FMN2: variants seen among roughly 807,000 people sequenced by gnomAD.
FMN2 encodes formin-2.
In FMN2, 51 loss-of-function variants were observed where a neutral mutation model predicts 142.3. The ratio of observed to expected loss-of-function variants is 0.36; its 90% CI spans 0.29 to 0.45. FMN2 has a LOEUF of 0.45. Ranked by LOEUF, FMN2 falls within the 20% of genes least tolerant of loss-of-function variation. The probability of loss-of-function intolerance (pLI) is 1.00; values close to 1 mark genes in which losing one functional copy is unlikely to be tolerated. For synonymous variants in FMN2, 882 were observed against 869.8 expected (o/e 1.01, Z -0.25); for missense variants, 1,936 against 2,122.8 (o/e 0.91, Z 1.73).
chr1:240,451,200 T>C (rs1047548352), intron 16 of FMN2, among the ~76,000 whole-genome samples: 4 of 152,024 alleles, frequency 2.6e-5, no homozygotes, highest in African/African-American at 9.7e-5. Flanking sequence ...ACCCTGTCTC[T>C]ACTAAAAATA....
chr1:240,187,572 A>G (rs1665532268), intron 3 of FMN2, among the ~76,000 whole-genome samples: 1 of 152,122 alleles, frequency 6.6e-6, no homozygotes, highest in African/African-American at 2.4e-5. Context: ...TTATTTTTAA[A>G]TTTGCACACA....
chr1:240,405,728 A>G, intron 15 of FMN2, among the ~76,000 whole-genome samples: 1 of 152,228 alleles, frequency 6.6e-6, no homozygotes, highest in East Asian at 1.9e-4. Context: ...CCAGAACTCA[A>G]TAGTTAAATA....
At chr1:240,365,452 G>A (rs186963948) in intron 14 of FMN2, among the ~76,000 whole-genome samples, 8 of 151,964 alleles carry the variant, frequency 5.3e-5, no homozygotes, top group Middle Eastern at 3.4e-3. Context: ...TCTATATAGA[G>A]ATAACTATAT....
At chr1:240,281,963 C>T (rs965525612) in intron 7 of FMN2, among the ~76,000 whole-genome samples, 4 of 152,094 alleles carry the variant, frequency 2.6e-5, no homozygotes, top group African/African-American at 9.7e-5. Flanking sequence ...AAGGTCCAAA[C>T]AATAATACGA....
intron 8 of FMN2, among the ~76,000 whole-genome samples, chr1:240,325,975 A>G (rs1230640762): frequency 6.6e-6 from 1 of 152,180 alleles, no homozygotes; most frequent in Non-Finnish European, 1.5e-5. Context: ...AATGTTACAT[A>G]TTGGTGAGTC....
intron 1 of FMN2, among the ~76,000 whole-genome samples, chr1:240,103,047 G>T (rs1322985085): frequency 1.3e-5 from 2 of 150,884 alleles, no homozygotes; most frequent in Non-Finnish European, 3.0e-5. Context: ...GCATTTTTTT[G>T]TAGAGACGGG....
chr1:240,294,535 A>G (rs1346767036), intron 7 of FMN2, among the ~76,000 whole-genome samples: 1 of 152,218 alleles, frequency 6.6e-6, no homozygotes, highest in Non-Finnish European at 1.5e-5. Context: ...GATTTTTCAA[A>G]TTCATTCAGT....
At chr1:240,252,737 G>T (rs1009509181) in intron 6 of FMN2, among the ~76,000 whole-genome samples, 8 of 151,630 alleles carry the variant, frequency 5.3e-5, no homozygotes, top group Non-Finnish European at 1.2e-4. Flanking sequence ...CTAATGTGCC[G>T]CAGAGAAAAC....
At chr1:240,134,849 C>T (rs1200566030) in intron 2 of FMN2, among the ~76,000 whole-genome samples, 1 of 152,152 alleles carries the variant, frequency 6.6e-6, no homozygotes, top group Non-Finnish European at 1.5e-5. Flanking sequence ...CCTTCACCAA[C>T]CCTCATGCCC....
At chr1:240,314,314 T>A (rs1670695285) in intron 8 of FMN2, among the ~76,000 whole-genome samples, 1 of 151,976 alleles carries the variant, frequency 6.6e-6, no homozygotes, top group Non-Finnish European at 1.5e-5. Context: ...GGAGTGCAAA[T>A]ATTGCTTGAA....
chr1:240,192,907 A>G lies in FMN2; in HGVS notation c.1986+4645A>G, dbSNP rs371898316. ...AACTCCAAGGAGCTCAGAGAAAAAT[A>G]TAGACGTTTTAGCTTAGAAATAATC... On this transcript the variant is annotated intron_variant, in intron 4 of 17. Coordinates refer to ENST00000319653, the MANE Select transcript of FMN2 (RefSeq NM_020066.5). Among the ~76,000 whole-genome samples, 49 of 152,262 alleles carry G rather than the reference A, an allele frequency of 3.2e-4. 1 individual carries two copies. The East Asian group carries it at 7.1e-3, about 22-fold the overall frequency.
intron 8 of FMN2, 65 bp downstream of exon 8, chr1:240,294,948 C>T: frequency 7.2e-7 from 1 of 1,394,314 alleles, no homozygotes; most frequent in Non-Finnish European, 1.0e-6. Context: ...TCTATGTGCA[C>T]ATATAGGCTC....
At chr1:240,301,575 T>C (rs926174274) in intron 8 of FMN2, among the ~76,000 whole-genome samples, 3 of 151,900 alleles carry the variant, frequency 2.0e-5, no homozygotes, top group Non-Finnish European at 4.4e-5. Context: ...CTTAATTTTC[T>C]TTCATCTTAG....
chr1:240,193,478 G>C (rs1207213937), intron 4 of FMN2, among the ~76,000 whole-genome samples: 1 of 152,238 alleles, frequency 6.6e-6, no homozygotes, highest in African/African-American at 2.4e-5. Context: ...TTCTTAGGAA[G>C]GGTGAAATTT....
At chr1:240,252,584 G>T (rs1668311624) in intron 6 of FMN2, among the ~76,000 whole-genome samples, 1 of 149,200 alleles carries the variant, frequency 6.7e-6, no homozygotes, top group African/African-American at 2.5e-5. Flanking sequence ...ATATCATTCA[G>T]TTCTCTCCTG....
intron 16 of FMN2, among the ~76,000 whole-genome samples, chr1:240,445,707 T>C (rs560713530): frequency 2.0e-5 from 3 of 151,334 alleles, no homozygotes; most frequent in African/African-American, 7.3e-5. Flanking sequence ...AAAGGGTTTT[T>C]TTTTTTTTTC....
intron 16 of FMN2, among the ~76,000 whole-genome samples, chr1:240,450,751 T>C (rs1232228239): frequency 1.3e-5 from 2 of 152,206 alleles, no homozygotes; most frequent in Non-Finnish European, 2.9e-5. Context: ...ATTTCTTCTT[T>C]GAATGATTTA....
chr1:240,125,622 G>C (rs1443662091), intron 2 of FMN2, among the ~76,000 whole-genome samples: 1 of 152,182 alleles, frequency 6.6e-6, no homozygotes, highest in Non-Finnish European at 1.5e-5. Context: ...CCAAGTTAAC[G>C]GCATTTTCCT....
Position 240,177,739 on chromosome 1 carries a change from G to A in FMN2, c.1783-182G>A, listed in dbSNP as rs181542845. 927 of 403,280 alleles carry A rather than the reference G, an allele frequency of 2.3e-3. 2 individuals are homozygous for A. Among genetic ancestry groups the A allele is most frequent in the Non-Finnish European group, 2.9e-3 (729 of 247,664 alleles). 25.0% of individuals were successfully genotyped at this position (403,280 alleles called of 1,614,324 possible). A position where few individuals can be genotyped will look rare whatever the true frequency, so the allele number is the denominator to read the frequency against. On this transcript the variant is annotated intron_variant, in intron 2 of 17. Transcript: ENST00000319653. ...GTGGTTATAAAGATAAAATGACTGC[G>A]TGAAAAAAATGTGTATCTTAGGAAT...
Sources: allele counts gnomAD v4.1 joint callset (sites outside exome capture counted in the v4.1 genomes callset), GRCh38; gene constraint gnomAD v4.1.1; transcripts MANE v1.5; gene names NCBI Gene and HGNC (gene_info 2026-07-23, HGNC 2026-07-21).